Variants in FLNB observed in about 807,000 individuals in gnomAD.
FLNB encodes filamin-B.
A neutral mutation model predicts 250.6 loss-of-function variants in FLNB; 111 were observed. The observed-to-expected ratio is 0.44, with a 90% CI of 0.38 to 0.52. FLNB has a LOEUF of 0.52. FLNB is among the 20% of genes least tolerant of loss of function. The pLI is 0.00. For missense variants in FLNB, 2,869 were observed against 3,447.8 expected (o/e 0.83, Z 4.20); for synonymous variants, 1,302 against 1,372.1 (o/e 0.95, Z 1.13).
At chr3:58,139,857 T>C (rs1459596115) in intron 29 of FLNB, among the ~76,000 whole-genome samples, 1 of 152,112 alleles carries the variant, frequency 6.6e-6, no homozygotes, top group Non-Finnish European at 1.5e-5. Flanking sequence ...GTGCAATGAT[T>C]TGGGGGTAAG....
Position 58,014,541 on chromosome 3 carries a change from T to C in FLNB, c.292+5685T>C, listed in dbSNP as rs375472282. On this transcript the variant is annotated intron_variant, in intron 1 of 45. Transcript: ENST00000295956. ...TGGAGAGTCTGAGCTAAAGGAGGGC[T>C]TTGATTTGGAGCCAAATTGTGTCTC... Among the ~76,000 whole-genome samples, 30 of 152,302 alleles carry C rather than the reference T, an allele frequency of 2.0e-4. No homozygotes were observed. The East Asian group carries it at 4.4e-3, about 23-fold the overall frequency.
rs528907028 is a variant in FLNB, at chr3:58,016,949, C to T, written c.292+8093C>T. ...GTTGTAAATCTAGTTATTCATTAAA[C>T]GGGCACAGTAATCCCTAAATTGGCT... On this transcript the variant is annotated intron_variant, in intron 1 of 45. Coordinates refer to ENST00000295956, the MANE Select transcript of FLNB (RefSeq NM_001457.4). Among the ~76,000 whole-genome samples the T allele has an allele frequency of 9.9e-5, 15 of 152,246 alleles. 1 individual carries two copies. In the South Asian group the frequency reaches 2.5e-3, roughly 25 times the overall value.
chr3:58,065,833 G>A (rs990659386), intron 1 of FLNB, among the ~76,000 whole-genome samples: 3 of 152,206 alleles, frequency 2.0e-5, no homozygotes, highest in Admixed American at 6.5e-5. Context: ...AAACTGAGCT[G>A]GAGTCAAAGG....
At chr3:58,017,882 A>T (rs1471720420) in intron 1 of FLNB, among the ~76,000 whole-genome samples, 1 of 152,160 alleles carries the variant, frequency 6.6e-6, no homozygotes, top group Non-Finnish European at 1.5e-5. Context: ...TGCCTATCAG[A>T]CTGAGTTATT....
chr3:58,144,784 G>A (rs1176209048), intron 32 of FLNB, among the ~76,000 whole-genome samples: 3 of 152,198 alleles, frequency 2.0e-5, no homozygotes, highest in African/African-American at 7.2e-5. Flanking sequence ...TCAAATTTTT[G>A]GAGCTTTGCC....
rs2097336563 is a variant in FLNB, at chr3:58,146,850, CAA to C, written c.5588_5589del (p.Lys1863SerfsTer7). On this transcript the variant is annotated frameshift_variant, in exon 34 of 46. Coordinates refer to ENST00000295956, the MANE Select transcript of FLNB (RefSeq NM_001457.4). LOFTEE classifies it high-confidence loss of function. ...CTGGACTTGGCTATTGAGGGCCCCT[CAA>C]AAGCAGAAATCAGCTGCATTGACAA... 2 of 1,614,072 alleles carry C rather than the reference CAA, an allele frequency of 1.2e-6. No homozygotes were observed. The highest frequency in any genetic ancestry group is 1.3e-5 in the African/African-American group (1 of 74,918).
intron 1 of FLNB, among the ~76,000 whole-genome samples, chr3:58,052,818 G>A (rs2097164489): frequency 6.6e-6 from 1 of 152,170 alleles, no homozygotes; most frequent in Admixed American, 6.5e-5. Flanking sequence ...TGTGTAAAGG[G>A]CATGCCCTGC....
chr3:58,108,933 A>G (rs1298317670), intron 13 of FLNB, among the ~76,000 whole-genome samples: 1 of 152,254 alleles, frequency 6.6e-6, no homozygotes, highest in Non-Finnish European at 1.5e-5. Flanking sequence ...ACTTAAATGC[A>G]GGAATTGAGT....
chr3:58,148,595 T>G (rs1051636899), intron 35 of FLNB, 54 bp from the exon 36 acceptor site: 1 of 1,478,718 alleles, frequency 6.8e-7, no homozygotes, highest in Non-Finnish European at 9.5e-7. Flanking sequence ...TGTGTCTCTC[T>G]CCTGCTTCCT....
At chr3:58,032,417 T>C (rs1241933383) in intron 1 of FLNB, among the ~76,000 whole-genome samples, 1 of 152,214 alleles carries the variant, frequency 6.6e-6, no homozygotes, top group East Asian at 1.9e-4. Context: ...GCTTCCTCTG[T>C]TGCTTGTGAA....
At chr3:58,103,922 G>A (rs994265776) in intron 9 of FLNB, 37 bp from the exon 10 acceptor site, 1 of 1,613,386 alleles carries the variant, frequency 6.2e-7, no homozygotes, top group Non-Finnish European at 8.5e-7. Context: ...TTGGGCCTAG[G>A]ATTGTGTTGG....
intron 1 of FLNB, among the ~76,000 whole-genome samples, chr3:58,056,290 T>C (rs186474450): frequency 6.6e-6 from 1 of 151,320 alleles, no homozygotes; most frequent in African/African-American, 2.4e-5. Flanking sequence ...TTAATAGAGG[T>C]GGGGGTTTCA....
At chr3:58,109,018 G>A (rs2097264173) in intron 13 of FLNB, among the ~76,000 whole-genome samples, 161 bp from the exon 14 acceptor site, 1 of 152,224 alleles carries the variant, frequency 6.6e-6, no homozygotes, top group Non-Finnish European at 1.5e-5. Context: ...TTTTGTCACT[G>A]GTTGTCACCG....
At chr3:58,149,518 A>G in intron 36 of FLNB, 1 of 394,406 alleles carries the variant, frequency 2.5e-6, no homozygotes, top group South Asian at 2.4e-5. Flanking sequence ...TAAACCCCCA[A>G]GGTGGTACGT....
chr3:58,131,853 G>A (rs2097307984), intron 25 of FLNB: 1 of 1,035,920 alleles, frequency 9.7e-7, no homozygotes, highest in Non-Finnish European at 1.4e-6. Flanking sequence ...GGGAGAAAAA[G>A]AAGAAAGAGA....
At chr3:58,073,235 T>C (rs2097197248) in intron 1 of FLNB, among the ~76,000 whole-genome samples, 1 of 152,150 alleles carries the variant, frequency 6.6e-6, no homozygotes, top group African/African-American at 2.4e-5. Context: ...CTTAAAGGAA[T>C]TGGCATGGAA....
intron 4 of FLNB, among the ~76,000 whole-genome samples, chr3:58,090,363 A>G (rs1340489594): frequency 6.6e-6 from 1 of 152,166 alleles, no homozygotes; most frequent in Non-Finnish European, 1.5e-5. Context: ...AGTTAACTTA[A>G]TTTTTAAATA....
intron 3 of FLNB, among the ~76,000 whole-genome samples, chr3:58,080,170 A>T (rs2097207170): frequency 6.6e-6 from 1 of 152,232 alleles, no homozygotes; most frequent in Non-Finnish European, 1.5e-5. Flanking sequence ...GTTCAAACCC[A>T]AGTAGCTCTT....
At chr3:58,127,815 T>C (rs1036515915) in intron 24 of FLNB, among the ~76,000 whole-genome samples, 1 of 152,256 alleles carries the variant, frequency 6.6e-6, no homozygotes, top group Non-Finnish European at 1.5e-5. Flanking sequence ...TAGGTTCTAG[T>C]TATCTACTCA....
Sources: gnomAD v4.1 joint callset for allele counts (sites outside exome capture counted in the v4.1 genomes callset) on GRCh38, gnomAD v4.1.1 for gene constraint, MANE v1.5 for transcripts, NCBI Gene and HGNC (gene_info 2026-07-23, HGNC 2026-07-21) for gene names.